The following PPWD1 variants were observed in gnomAD, a reference collection of about 807,000 sequenced individuals.
PPWD1 encodes peptidylprolyl isomerase domain and WD repeat containing 1.
In PPWD1, 43 loss-of-function variants were observed where a neutral mutation model predicts 68.8. The ratio of observed to expected loss-of-function variants is 0.62; its 90% CI spans 0.49 to 0.81. PPWD1 has a LOEUF of 0.81. PPWD1 is among the 30% of genes least tolerant of loss of function. PPWD1 has a pLI of 0.00. For missense variants in PPWD1, 672 were observed against 804.8 expected (o/e 0.83, Z 2.00); for synonymous variants, 232 against 258.7 (o/e 0.90, Z 0.99).
At chr5:65,563,548 TC>T (rs766140071) in intron 1 of PPWD1, 42 bp downstream of exon 1, 2 of 1,568,300 alleles carry the variant, frequency 1.3e-6, no homozygotes, top group Admixed American at 3.9e-5. Flanking sequence ...GAGTGCTGCG[TC>T]CGCTGAGTAG....
rs1281628158 is a variant in PPWD1, at chr5:65,569,618, T to C, written c.300-14T>C. On this transcript the variant is annotated splice_polypyrimidine_tract_variant and intron_variant, in intron 2 of 10. Transcript: ENST00000261308. Reference sequence around the variant, plus strand: ...CTGTCTTAGAAATTAACTTTTAACATTTCATATATGCAGAACAGATTTTAT... The same window carrying C: ...CTGTCTTAGAAATTAACTTTTAACACTTCATATATGCAGAACAGATTTTAT... 21 of 1,552,024 alleles carry C rather than the reference T, an allele frequency of 1.4e-5. No homozygotes were observed. Among genetic ancestry groups the C allele is most frequent in the Non-Finnish European group, 1.7e-5 (19 of 1,135,688 alleles).
chr5:65,563,764 ATTC>A (rs1561716377), intron 1 of PPWD1: 3 of 1,467,308 alleles, frequency 2.0e-6, no homozygotes, highest in Admixed American at 3.9e-5. Context: ...ACATTTTCCT[ATTC>A]TTATGTGTTT....
chr5:65,579,076 T>C (rs896665154), intron 6 of PPWD1, among the ~76,000 whole-genome samples: 1 of 151,888 alleles, frequency 6.6e-6, no homozygotes, highest in African/African-American at 2.4e-5. Context: ...CCACCATGCT[T>C]GACCAATTTC....
chr5:65,563,459 G>C lies in PPWD1; in HGVS notation c.149G>C (p.Trp50Ser). ...QENDEENEER[W>S]VGPLPVEATL... ...AACGATGAGGAGAACGAAGAGCGCT[G>C]GGTTGGACCTTTACCTGTGGAGGCA... Residue 50 changes from tryptophan (W) to serine (S), a missense_variant, in exon 1 of 11, where the codon TGG becomes TCG. Coordinates refer to ENST00000261308, the MANE Select transcript of PPWD1 (RefSeq NM_015342.4). 6.2e-7 allele frequency: 1 copy of C among 1,614,028 alleles called. No individual in the cohort carries two copies. Among genetic ancestry groups the C allele is most frequent in the Non-Finnish European group, 8.5e-7 (1 of 1,179,988 alleles).
chr5:65,578,786 A>ATATATATATACATATATATGTGTG (rs1561729452), intron 6 of PPWD1, among the ~76,000 whole-genome samples: 18 of 138,038 alleles, frequency 1.3e-4, no homozygotes, highest in African/African-American at 4.7e-4. Flanking sequence ...ATATATGTGT[A>ATATATATATACATATATATGTGTG]TATATATATA....
rs1293871361 is a variant in PPWD1 at position 65,577,060 on chromosome 5, A to G, written c.1151A>G (p.Glu384Gly). The G allele has an allele frequency of 6.2e-7, 1 of 1,611,050 alleles. No individual in the cohort carries two copies. Among genetic ancestry groups the G allele is most frequent in the Admixed American group, 1.7e-5 (1 of 59,732 alleles). ...TMLGIKVINVETNRCVRILGK... is the reference protein window; with the variant it reads ...TMLGIKVINVGTNRCVRILGK... The stretch of plus-strand genomic sequence containing the variant: ...CTGGGCATTAAAGTTATAAATGTAG[A>G]GACAAACCGGTAAGCTTTAATATGA... Residue 384 changes from glutamate to glycine, a missense_variant, in exon 6 of 11, where the codon GAG (glutamate) becomes GGG (glycine). This residue lies in a region of PPWD1 where 484 missense variants were observed against 646.2 expected (regional missense o/e 0.75). Coordinates refer to ENST00000261308, the MANE Select transcript of PPWD1 (RefSeq NM_015342.4).
At chr5:65,574,057 T>C (rs1342166607) in intron 5 of PPWD1, among the ~76,000 whole-genome samples, 1 of 152,240 alleles carries the variant, frequency 6.6e-6, no homozygotes, top group Admixed American at 6.5e-5. Context: ...TCAGTTCTTT[T>C]GTCCTTGGCA....
At chr5:65,568,209 C>T (rs964437701) in intron 2 of PPWD1, 4 of 152,142 alleles carry the variant, frequency 2.6e-5, no homozygotes, top group African/African-American at 9.7e-5. Context: ...TGGTCCGATA[C>T]ATTTTGGATA....
intron 10 of PPWD1, chr5:65,587,040 T>A (rs569552981): frequency 1.3e-4 from 28 of 210,528 alleles, no homozygotes; most frequent in African/African-American, 6.6e-4. Context: ...AGATATTTAA[T>A]TAAACATTAT....
chr5:65,578,494 A>G (rs1483148013), intron 6 of PPWD1, among the ~76,000 whole-genome samples: 1 of 152,110 alleles, frequency 6.6e-6, no homozygotes. Flanking sequence ...CTGTGCCACC[A>G]TTTGGTATTG....
chr5:65,574,631 T>C (rs1364498833), intron 5 of PPWD1, among the ~76,000 whole-genome samples: 1 of 151,148 alleles, frequency 6.6e-6, no homozygotes, highest in Non-Finnish European at 1.5e-5. Context: ...GCCCGGCTAA[T>C]TTTTTGTATT....
In PPWD1 at chr5:65,580,568, C is replaced by T. The variant is rs149886731; in HGVS notation, c.1350+955C>T. Among the ~76,000 whole-genome samples the T allele has an allele frequency of 2.6e-5, 4 of 152,284 alleles. No homozygotes were observed. In the East Asian group the frequency reaches 5.8e-4, roughly 22 times the overall value. On this transcript the variant is annotated intron_variant, in intron 7 of 10. Transcript: ENST00000261308. Reference sequence around the variant, plus strand: ...TTGCTCTGTTGCCCAGGCTAGAGTGCAGTGACGTGACTTCAGCTCACTGCA... The same window carrying T: ...TTGCTCTGTTGCCCAGGCTAGAGTGTAGTGACGTGACTTCAGCTCACTGCA...
rs768317454 is a variant in PPWD1, at chr5:65,586,195, CATT to C, written c.1797+15_1797+17del. 6.2e-6 allele frequency: 10 copies of C among 1,601,296 alleles called. No individual in the cohort carries two copies. Among genetic ancestry groups the C allele is most frequent in the Non-Finnish European group, 8.5e-6 (10 of 1,172,622 alleles). On this transcript the variant is annotated intron_variant, in intron 10 of 10. Transcript: ENST00000261308. Reference sequence around the variant, plus strand: ...GTAGTACCAACGGTAAGTACAGTATCATTGTTTATAAACTACAGATTGATAGGT... The same window carrying C: ...GTAGTACCAACGGTAAGTACAGTATCGTTTATAAACTACAGATTGATAGGT...
intron 2 of PPWD1, chr5:65,568,152 A>C (rs2150590927): frequency 6.6e-6 from 1 of 152,324 alleles, no homozygotes; most frequent in African/African-American, 2.4e-5. Flanking sequence ...CAGCAAGTAT[A>C]ATGTAAATAT....
intron 5 of PPWD1, among the ~76,000 whole-genome samples, chr5:65,574,319 T>G (rs1753178191): frequency 6.6e-6 from 1 of 152,220 alleles, no homozygotes; most frequent in Admixed American, 6.5e-5. Context: ...TAATACTTTC[T>G]TTAATGGTGG....
intron 4 of PPWD1, 149 bp from the exon 5 acceptor site, chr5:65,571,690 C>T (rs1472054675): frequency 6.8e-6 from 9 of 1,314,416 alleles, no homozygotes; most frequent in African/African-American, 6.0e-5. Flanking sequence ...TTAGCTGTTC[C>T]TCCCCATTCT....
At chr5:65,563,927 G>A (rs1161619848) in intron 1 of PPWD1, 4 of 1,250,916 alleles carry the variant, frequency 3.2e-6, no homozygotes, top group South Asian at 2.6e-5. Flanking sequence ...GAGGAAGGCG[G>A]TGCTTATTTC....
intron 6 of PPWD1, among the ~76,000 whole-genome samples, chr5:65,579,008 T>G (rs1267274234): frequency 1.3e-5 from 2 of 151,688 alleles, no homozygotes; most frequent in Non-Finnish European, 2.9e-5. Flanking sequence ...CTCTGCCTCC[T>G]GAGTTCAAGT....
At position 65,567,501 on chromosome 5, in the gene PPWD1, T is replaced by A. The variant is rs542056483; in HGVS notation, c.197-12T>A. ...TAAAAATAGATCTTATACTTTACTT[T>A]TTTTTCTTCAGTCTTAGAGTTTGAA... is the stretch of plus-strand genomic sequence containing the variant. On this transcript the variant is annotated splice_polypyrimidine_tract_variant and intron_variant, in intron 1 of 10. Transcript: ENST00000261308. The A allele has an allele frequency of 5.0e-6, 8 of 1,592,494 alleles. No individual in the cohort carries two copies. The African/African-American group carries it at 8.1e-5, about 16-fold the overall frequency.
Sources: allele counts gnomAD v4.1 joint callset (sites outside exome capture counted in the v4.1 genomes callset), GRCh38; gene constraint gnomAD v4.1.1; regional missense constraint gnomAD v4.1.1; transcripts MANE v1.5; gene names NCBI Gene and HGNC (gene_info 2026-07-23, HGNC 2026-07-21).